LOC128706665: variants seen among roughly 807,000 people sequenced by gnomAD.
At chr20:10,425,294 T>G in the LOC128706665 span, among the ~76,000 whole-genome samples, 5 of 152,324 alleles carry the variant, frequency 3.3e-5, no homozygotes, top group African/African-American at 1.2e-4. Context: ...ATAATGGCGA[T>G]ATCCTAATTT....
At chr20:10,423,476 A>G in the LOC128706665 span, among the ~76,000 whole-genome samples, 1 of 152,210 alleles carries the variant, frequency 6.6e-6, no homozygotes, top group Non-Finnish European at 1.5e-5. Flanking sequence ...ATGTAATAAT[A>G]AAATTGAGAT....
chr20:10,430,040 A>AAAAAAAC, the LOC128706665 span, among the ~76,000 whole-genome samples: 2 of 151,946 alleles, frequency 1.3e-5, no homozygotes, highest in African/African-American at 4.8e-5. Context: ...ACAAAAAACA[A>AAAAAAAC]AAAAACAAAA....
the LOC128706665 span, among the ~76,000 whole-genome samples, chr20:10,422,795 TC>T: frequency 8.6e-5 from 13 of 151,554 alleles, no homozygotes; most frequent in Non-Finnish European, 1.9e-4. Context: ...CACTGCAAGC[TC>T]CGCCTCCCAG....
chr20:10,414,673 A>G, the LOC128706665 span, among the ~76,000 whole-genome samples: 2 of 152,292 alleles, frequency 1.3e-5, no homozygotes, highest in East Asian at 3.9e-4. Flanking sequence ...TTAGGTTTGA[A>G]CAGAAGTGCA....
the LOC128706665 span, among the ~76,000 whole-genome samples, chr20:10,424,171 G>A: frequency 6.6e-6 from 1 of 151,980 alleles, no homozygotes; most frequent in Non-Finnish European, 1.5e-5. Flanking sequence ...CCTTTTCACT[G>A]AGCAAGATGG....
the LOC128706665 span, among the ~76,000 whole-genome samples, chr20:10,423,610 C>T: frequency 6.6e-6 from 1 of 152,122 alleles, no homozygotes; most frequent in Non-Finnish European, 1.5e-5. Context: ...ATAGTATGAA[C>T]CCTCTTTGAG....
the LOC128706665 span, among the ~76,000 whole-genome samples, chr20:10,427,196 T>A: frequency 6.5e-3 from 992 of 152,300 alleles, 12 homozygotes; most frequent in South Asian, 0.046. Context: ...CAAGTTTTTT[T>A]AATTGCTTCC....
At chr20:10,424,466 A>G in the LOC128706665 span, among the ~76,000 whole-genome samples, 1 of 152,266 alleles carries the variant, frequency 6.6e-6, no homozygotes, top group Non-Finnish European at 1.5e-5. Flanking sequence ...TCTTTCACTT[A>G]ATAGTGAAAA....
chr20:10,432,075 C>T, the LOC128706665 span, among the ~76,000 whole-genome samples: 6 of 152,334 alleles, frequency 3.9e-5, no homozygotes, highest in African/African-American at 1.4e-4. Context: ...TGCCAGCCTC[C>T]GTCCATGATT....
the LOC128706665 span, among the ~76,000 whole-genome samples, chr20:10,432,519 G>T: frequency 0.52 from 79,469 of 151,982 alleles, 21,376 homozygotes; most frequent in Non-Finnish European, 0.58. Flanking sequence ...TAGGCCAGAC[G>T]CCGTGGGTCA....
the LOC128706665 span, among the ~76,000 whole-genome samples, chr20:10,433,324 C>T: frequency 5.3e-5 from 8 of 152,142 alleles, no homozygotes; most frequent in Non-Finnish European, 8.8e-5. Flanking sequence ...ATTTTCTATC[C>T]GCAGTTGGTT....
At chr20:10,415,196 C>T in the LOC128706665 span, among the ~76,000 whole-genome samples, 1 of 152,114 alleles carries the variant, frequency 6.6e-6, no homozygotes, top group African/African-American at 2.4e-5. Context: ...TCTGTTGAGG[C>T]CGGGTGTTTT....
At chr20:10,426,891 T>A in the LOC128706665 span, among the ~76,000 whole-genome samples, 2 of 152,118 alleles carry the variant, frequency 1.3e-5, no homozygotes, top group Non-Finnish European at 2.9e-5. Context: ...GTTAGTTCAG[T>A]TTTCTTTAAT....
the LOC128706665 span, chr20:10,420,703 A>G: frequency 6.6e-6 from 1 of 152,134 alleles, no homozygotes; most frequent in Non-Finnish European, 1.5e-5. Context: ...AACAACCAAA[A>G]CTTTGTAGTC....
the LOC128706665 span, among the ~76,000 whole-genome samples, chr20:10,423,047 A>T: frequency 6.6e-6 from 1 of 152,088 alleles, no homozygotes; most frequent in Non-Finnish European, 1.5e-5. Context: ...CATTTCTGCC[A>T]TTCACCATTT....
chr20:10,430,031 C>CA, the LOC128706665 span, among the ~76,000 whole-genome samples: 928 of 114,428 alleles, frequency 8.1e-3, 6 homozygotes, highest in South Asian at 0.031. Flanking sequence ...TCTTGCAAAA[C>CA]AAAAAACAAA....
chr20:10,433,668 A>G, the LOC128706665 span, among the ~76,000 whole-genome samples: 7 of 152,092 alleles, frequency 4.6e-5, no homozygotes, highest in African/African-American at 1.7e-4. Context: ...CACGCTGCAC[A>G]ACGTCTCTAA....
chr20:10,426,411 C>T, the LOC128706665 span, among the ~76,000 whole-genome samples: 167 of 112,466 alleles, frequency 1.5e-3, 1 homozygote, highest in Middle Eastern at 0.024. Flanking sequence ...GCATGTTGTT[C>T]TTTTTTCTTT....
the LOC128706665 span, among the ~76,000 whole-genome samples, chr20:10,426,695 C>T: frequency 1.6e-4 from 25 of 152,302 alleles, no homozygotes; most frequent in African/African-American, 5.8e-4. Flanking sequence ...ATGCACGCCC[C>T]GTGGCATGTC....
Sources: gnomAD v4.1 joint callset for allele counts (sites outside exome capture counted in the v4.1 genomes callset) on GRCh38, gnomAD v4.1.1 for gene constraint, MANE v1.5 for transcripts.